The following ANKRD36C variants were observed in gnomAD, a reference collection of about 807,000 sequenced individuals.
The protein encoded by ANKRD36C is ankyrin repeat domain 36C, also known as ankyrin repeat domain-containing protein 36C.
Under a neutral mutation model 276.4 loss-of-function variants are expected in ANKRD36C, and 61 were observed. That is an observed-to-expected ratio of 0.22 (90% CI 0.18 to 0.27). ANKRD36C has a LOEUF of 0.27. ANKRD36C is among the 10% of genes least tolerant of loss of function. The pLI, the probability that ANKRD36C is intolerant of heterozygous loss-of-function variation, is 1.00. For synonymous variants in ANKRD36C, 483 were observed against 680.1 expected (o/e 0.71, Z 4.51); for missense variants, 1,447 against 2,032.3 (o/e 0.71, Z 5.54).
chr2:95,914,378 G>C, intron 38 of ANKRD36C, 75 bp from the exon 41 acceptor site: 1 of 1,503,026 alleles, frequency 6.7e-7, no homozygotes, highest in Non-Finnish European at 9.0e-7. Flanking sequence ...TGCAGTGTTA[G>C]CATCAACCTC....
intron 13 of ANKRD36C, among the ~76,000 whole-genome samples, chr2:95,954,542 C>T (rs1678283140): frequency 6.6e-6 from 1 of 152,288 alleles, no homozygotes; most frequent in Non-Finnish European, 1.5e-5. Flanking sequence ...TGATTCTTTT[C>T]ACCCTAGAAC....
chr2:95,958,587 T>C lies in ANKRD36C; in HGVS notation c.1105+4A>G. ...ATGGCATTAAATGTGTATTGCAAAA[T>C]TACCTGTCCCAGATTTTTGTTCATC... On this transcript the variant is annotated splice_donor_region_variant and intron_variant, in intron 12 of 66. Transcript: ENST00000456556. The C allele has an allele frequency of 1.3e-6, 2 of 1,545,092 alleles. No individual in the cohort carries two copies. The highest frequency in any genetic ancestry group is 2.4e-5 in the East Asian group (1 of 40,914).
Position 95,921,823 on chromosome 2 carries a change from A to G in ANKRD36C, c.2144-13T>C. 5.0e-6 allele frequency: 8 copies of G among 1,594,410 alleles called. No individual in the cohort carries two copies. The highest frequency in any genetic ancestry group is 6.0e-6 in the Non-Finnish European group (7 of 1,173,424). ...TTCTGAGAAGACACTGAAAAACAAA[A>G]GGGATAATCACTCATATGTAAATAT... On this transcript the variant is annotated splice_polypyrimidine_tract_variant and intron_variant, in intron 32 of 66. Coordinates refer to ENST00000456556, the Ensembl canonical transcript of ANKRD36C.
exon 5 of ANKRD36C, chr2:95,980,776 G>A (rs1434247619): frequency 1.3e-6 from 2 of 1,591,534 alleles, no homozygotes; most frequent in Non-Finnish European, 1.7e-6. Context: ...CAGCATGTAT[G>A]AGGGCTGATC....
At chr2:95,934,660 T>C (rs74564086) in intron 24 of ANKRD36C, among the ~76,000 whole-genome samples, 1 of 152,306 alleles carries the variant, frequency 6.6e-6, no homozygotes, top group African/African-American at 2.4e-5. Context: ...ATGTAGCTGA[T>C]GGGTTGATGG....
chr2:95,890,226 G>C (rs1676308448), intron 46 of ANKRD36C, among the ~76,000 whole-genome samples: 1 of 151,538 alleles, frequency 6.6e-6, no homozygotes, highest in Middle Eastern at 3.4e-3. Context: ...TCTGTCATAT[G>C]TCGAAAACTA....
exon 4 of ANKRD36C, chr2:95,982,306 T>A: frequency 6.4e-7 from 1 of 1,550,976 alleles, no homozygotes; most frequent in Non-Finnish European, 8.7e-7. Context: ...TTAATAAAAA[T>A]TCCACCATTT....
In ANKRD36C at chr2:95,891,528, C is replaced by T. The variant is rs1676357827; in HGVS notation, c.2857+137G>A. ...CAGCAGCATCATCATCACCCAAGAA[C>T]TTATTTGAAATGAAGAATCTCAGGA... On this transcript the variant is annotated intron_variant, in intron 46 of 66. Coordinates refer to ENST00000456556, the Ensembl canonical transcript of ANKRD36C. 6.5e-6 allele frequency: 8 copies of T among 1,227,074 alleles called. No homozygotes were observed. The East Asian group carries it at 1.3e-4, about 20-fold the overall frequency. 76.0% of individuals were successfully genotyped at this position (1,227,074 alleles called of 1,614,324 possible). A position where few individuals can be genotyped will look rare whatever the true frequency, so the allele number is the denominator to read the frequency against.
At chr2:95,893,888 T>C (rs1282080899) in intron 44 of ANKRD36C, among the ~76,000 whole-genome samples, 164 bp from the exon 63 acceptor site, 1 of 151,444 alleles carries the variant, frequency 6.6e-6, no homozygotes, top group Non-Finnish European at 1.5e-5. Flanking sequence ...AGAAATACAC[T>C]GAGAAAAGGG....
At chr2:95,969,019 AT>A (rs1393049250) in intron 6 of ANKRD36C, among the ~76,000 whole-genome samples, 2 of 152,164 alleles carry the variant, frequency 1.3e-5, no homozygotes, top group African/African-American at 2.4e-5. Context: ...GCCTTCATGT[AT>A]TGGAGAGGAT....
chr2:95,896,432 G>C (rs1676552398), intron 44 of ANKRD36C, among the ~76,000 whole-genome samples: 1 of 149,046 alleles, frequency 6.7e-6, no homozygotes, highest in Admixed American at 6.7e-5. Flanking sequence ...TCATTCTTGT[G>C]TCTAAAATAC....
intron 32 of ANKRD36C, among the ~76,000 whole-genome samples, chr2:95,922,128 A>T (rs913548690): frequency 2.6e-5 from 4 of 151,680 alleles, no homozygotes; most frequent in African/African-American, 9.7e-5. Flanking sequence ...GGGGAAACTC[A>T]ATCACCTGGG....
chr2:95,984,262 A>C (rs1558665040), intron 3 of ANKRD36C, among the ~76,000 whole-genome samples: 2 of 151,792 alleles, frequency 1.3e-5, no homozygotes, highest in Non-Finnish European at 2.9e-5. Context: ...GAGGAAGTGA[A>C]GTACCTAGGT....
In ANKRD36C at chr2:95,851,685, T is replaced by C; in HGVS notation, c.5313+9A>G. ...TTTCAGTATGACAGAAATTAAGAAATCAGCTTACCAAACTTGAATGCTGCA... is the reference window on the plus strand; with the variant it reads ...TTTCAGTATGACAGAAATTAAGAAACCAGCTTACCAAACTTGAATGCTGCA... On this transcript the variant is annotated intron_variant, in intron 66 of 66. Coordinates refer to ENST00000456556, the Ensembl canonical transcript of ANKRD36C. The C allele has an allele frequency of 6.8e-7, 1 of 1,475,692 alleles. No homozygotes were observed. The highest frequency in any genetic ancestry group is 9.3e-7 in the Non-Finnish European group (1 of 1,077,470). The allele number at this position is 1,475,692 out of a possible 1,614,324, so 91.4% of individuals were successfully genotyped here.
At chr2:95,953,606 A>G (rs1678254496) in intron 14 of ANKRD36C, among the ~76,000 whole-genome samples, 1 of 152,142 alleles carries the variant, frequency 6.6e-6, no homozygotes, top group Admixed American at 6.6e-5. Flanking sequence ...ATACAACTCA[A>G]AGTAAAAACA....
intron 20 of ANKRD36C, among the ~76,000 whole-genome samples, chr2:95,940,266 C>T (rs1318935810): frequency 1.3e-5 from 2 of 151,976 alleles, no homozygotes; most frequent in African/African-American, 4.9e-5. Flanking sequence ...TCGTGATCCT[C>T]CCGCCTCAGC....
chr2:95,910,076 A>G (rs944543476), intron 42 of ANKRD36C, among the ~76,000 whole-genome samples: 2 of 151,172 alleles, frequency 1.3e-5, no homozygotes, highest in Non-Finnish European at 3.0e-5. Context: ...CCTTACTGAG[A>G]ACAAGCTGGA....
intron 60 of ANKRD36C, among the ~76,000 whole-genome samples, chr2:95,860,946 AT>A (rs1675562814): frequency 6.6e-6 from 1 of 152,192 alleles, no homozygotes; most frequent in Admixed American, 6.6e-5. Flanking sequence ...GAAAAATAAA[AT>A]TTAAAAAAAA....
At chr2:95,991,716 G>C in exon 1 of ANKRD36C, 11 of 1,611,736 alleles carry the variant, frequency 6.8e-6, no homozygotes, top group Non-Finnish European at 9.3e-6. Context: ...CATAATGGTC[G>C]GCTGCAAATT....
Sources: allele counts gnomAD v4.1 joint callset (sites outside exome capture counted in the v4.1 genomes callset), GRCh38; gene constraint gnomAD v4.1.1; transcripts MANE v1.5; gene names NCBI Gene and HGNC (gene_info 2026-07-23, HGNC 2026-07-21).